The following ITGA7 variants were observed in gnomAD, a reference collection of about 807,000 sequenced individuals.
ITGA7 encodes integrin subunit alpha 7.
A neutral mutation model predicts 131.6 loss-of-function variants in ITGA7; 84 were observed. That is an observed-to-expected ratio of 0.64 (90% CI 0.54 to 0.77). ITGA7 has a LOEUF of 0.77. Among genes scored for constraint, ITGA7 ranks in the 30% least tolerant of loss-of-function variants. ITGA7 has a pLI of 0.00. For missense variants in ITGA7, 1,399 were observed against 1,482.9 expected (o/e 0.94, Z 0.93); for synonymous variants, 548 against 600.7 (o/e 0.91, Z 1.28).
intron 7 of ITGA7, 38 bp from the exon 8 acceptor site, chr12:55,698,064 G>C (rs540993993): frequency 9.9e-5 from 157 of 1,589,676 alleles, no homozygotes; most frequent in Admixed American, 2.3e-4. Flanking sequence ...CGCTGGCTGG[G>C]GGCCTTGCAG....
At chr12:55,709,992 T>C (rs1005032528), upstream of ITGA7, among the ~76,000 whole-genome samples, 2 of 152,190 alleles carry the variant, frequency 1.3e-5, no homozygotes, top group African/African-American at 2.4e-5. Context: ...TTTAGACATG[T>C]AGATTTCTCT....
rs2136020061 is a variant in ITGA7, at chr12:55,697,001, G to A, written c.1635C>T (p.Phe545=). The A allele has an allele frequency of 1.9e-6, 3 of 1,614,148 alleles. No homozygotes were observed. The highest frequency in any genetic ancestry group is 2.5e-6 in the Non-Finnish European group (3 of 1,180,036). The change falls in exon 12 of 25, where the codon TTC becomes TTT. Residue 545 remains phenylalanine (F), a synonymous_variant. Transcript: ENST00000257879. ...TGGGTTCTTCCAGGTTACGGCTCAG[G>A]AACGTCACACGGGGAACCTGGCCCC... ...RLRGQVPRVT[F]LSRNLEEPKH...
In ITGA7 at chr12:55,694,094, G is replaced by A; in HGVS notation, c.2462C>T (p.Ser821Phe). 6.2e-7 allele frequency: 1 copy of A among 1,614,196 alleles called. No individual in the cohort carries two copies. Among genetic ancestry groups the A allele is most frequent in the African/African-American group, 1.3e-5 (1 of 75,058 alleles). ...GMAIPQQLFF[S>F]GVVRGERAMQ... is the part of the protein sequence containing the mutation. ...GGCTCTCTCGCCCCTCACCACACCA[G>A]AGAAGAAGAGTTGCTGGGGAATGGC... Residue 821 changes from serine to phenylalanine, a missense_variant, in exon 19 of 25, where the codon TCT (serine) becomes TTT (phenylalanine). By Grantham distance (155) the Ser-to-Phe change is radical (BLOSUM62 -2). Coordinates refer to ENST00000257879, the MANE Select transcript of ITGA7 (RefSeq NM_002206.3). This position sits in a 1 kb window ranked among gnomAD's most constrained non-coding sequence, Gnocchi z 5.3.
rs61733964 is a variant in ITGA7 at position 55,697,708 on chromosome 12, C to T, written c.1396G>A (p.Ala466Thr). 52 of 1,614,128 alleles carry T rather than the reference C, an allele frequency of 3.2e-5. No homozygotes were observed. The African/African-American group carries it at 5.1e-4, about 16-fold the overall frequency. The change falls in exon 9 of 25, where the codon GCA becomes ACA. Residue 466 changes from alanine (A) to threonine (T), a missense_variant. By Grantham distance (58) the Ala-to-Thr change is moderately conservative (BLOSUM62 0). Coordinates refer to ENST00000257879, the MANE Select transcript of ITGA7 (RefSeq NM_002206.3). ...AGAGGGGCTCACCTGAAGAGCACTG[C>T]GGTGTCAGCCAGGGAGCCCACCAGC... is the stretch of plus-strand genomic sequence containing the variant. Reference protein sequence around the residue: ...DLLVGSLADTAVLFRARPILH... With the variant: ...DLLVGSLADTTVLFRARPILH...
upstream of ITGA7, among the ~76,000 whole-genome samples, chr12:55,711,806 G>GT (rs1876143144): frequency 6.6e-6 from 1 of 152,204 alleles, no homozygotes; most frequent in African/African-American, 2.4e-5. Flanking sequence ...TGTATGAGTG[G>GT]AAGCTGAGGC....
chr12:55,713,663 C>T (rs114799029), upstream of ITGA7, among the ~76,000 whole-genome samples: 955 of 152,288 alleles, frequency 6.3e-3, 10 homozygotes, highest in African/African-American at 0.022. Flanking sequence ...AAAGAAGATA[C>T]AGTACACATA....
chr12:55,701,453 T>G, intron 3 of ITGA7: 1 of 1,548,936 alleles, frequency 6.5e-7, no homozygotes, highest in Non-Finnish European at 8.7e-7. Flanking sequence ...AGCCACCACA[T>G]AGGATGTGTG....
chr12:55,693,146 G>A lies in ITGA7; in HGVS notation c.2707C>T (p.His903Tyr), dbSNP rs372692039. ...CACCCCCACCTAAGCCTCACCAGGT[G>A]GAGGATGTTGGGCCTGGGAGAGCAA... Reference protein sequence around the residue: ...GLCSPRPNILHLDVDSRDRRR... With the variant: ...GLCSPRPNILYLDVDSRDRRR... Residue 903 changes from histidine to tyrosine, a missense_variant, in exon 20 of 25, where the codon CAC becomes TAC. Transcript: ENST00000257879. 9 of 1,613,750 alleles carry A rather than the reference G, an allele frequency of 5.6e-6. No homozygotes were observed. The African/African-American group carries it at 8.0e-5, about 14-fold the overall frequency.
Position 55,698,711 on chromosome 12 carries a change from C to G in ITGA7, c.997G>C (p.Gly333Arg). Residue 333 changes from glycine to arginine, a missense_variant and splice_region_variant, in exon 6 of 25, where the codon GGC becomes CGC. Coordinates refer to ENST00000257879, the MANE Select transcript of ITGA7 (RefSeq NM_002206.3). ...TGGCACGGCCCTCTACCCACTCACC[C>G]ATCACTGTTGAGGTCAGCCACAGCC... ...SLAVADLNSDGWPDLIVGAPY... is the reference protein window; with the variant it reads ...SLAVADLNSDRWPDLIVGAPY... 1 of 1,614,014 alleles carries G rather than the reference C, an allele frequency of 6.2e-7. No homozygotes were observed. The highest frequency in any genetic ancestry group is 8.5e-7 in the Non-Finnish European group (1 of 1,179,912).
rs57885211 is a variant in ITGA7 at position 55,688,737 on chromosome 12, G to GT, written c.2958+106_2958+107insA. The GT allele has an allele frequency of 0.015, 12,051 of 797,924 alleles. 746 individuals carry two copies. The African/African-American group carries it at 0.16, about 11-fold the overall frequency. 49.4% of individuals were successfully genotyped at this position (797,924 alleles called of 1,614,324 possible). On this transcript the variant is annotated intron_variant, in intron 22 of 24. Coordinates refer to ENST00000257879, the MANE Select transcript of ITGA7 (RefSeq NM_002206.3). The stretch of plus-strand genomic sequence containing the variant: ...GACTCCGTCTCAAAAAAAAAAAAAA[G>GT]GGGGGGGATGCTGCATTTGGACAGT...
At chr12:55,716,248 A>C (rs1346309636), upstream of ITGA7, 2 of 1,560,696 alleles carry the variant, frequency 1.3e-6, no homozygotes, top group Admixed American at 3.9e-5. Context: ...GCCTAGCTTC[A>C]GCCCGGAGCC....
At chr12:55,695,462 T>A in intron 14 of ITGA7, 60 bp downstream of exon 14, 1 of 1,152,314 alleles carries the variant, frequency 8.7e-7, no homozygotes. Flanking sequence ...CTGAGAGGGC[T>A]TTCTCTCAAT....
chr12:55,716,003 G>A (rs966460231), upstream of ITGA7: 10 of 1,505,238 alleles, frequency 6.6e-6, no homozygotes, highest in African/African-American at 8.4e-5. Context: ...TTCACCCAAG[G>A]TCTCAAGAGG....
chr12:55,702,938 C>T lies in ITGA7; in HGVS notation c.348G>A (p.Lys116=), dbSNP rs1874373524. The T allele has an allele frequency of 6.2e-7, 1 of 1,613,248 alleles. No individual in the cohort carries two copies. Among genetic ancestry groups the T allele is most frequent in the Non-Finnish European group, 8.5e-7 (1 of 1,180,022 alleles). The change falls in exon 3 of 25, where the codon AAG becomes AAA. Residue 116 remains lysine, a synonymous_variant. Coordinates refer to ENST00000257879, the MANE Select transcript of ITGA7 (RefSeq NM_002206.3). ...VDIDQGADMQ[K]ESKENQWLGV... ...CCAACCACTGGTTCTCCTTGCTTTC[C>T]TTTTGCATATCAGCTAGAGGCAGGA...
chr12:55,697,553 T>A lies in ITGA7; in HGVS notation c.1410-7A>T. 2 of 1,613,116 alleles carry A rather than the reference T, an allele frequency of 1.2e-6. No homozygotes were observed. Among genetic ancestry groups the A allele is most frequent in the Non-Finnish European group, 1.7e-6 (2 of 1,179,346 alleles). ...ATGGAGGATGGGTCTGGCCCTGGGA[T>A]TGGGGAGTCAAGAGCACAAGAAACA... is the stretch of plus-strand genomic sequence containing the variant. On this transcript the variant is annotated splice_polypyrimidine_tract_variant and splice_region_variant and intron_variant, in intron 9 of 24. Transcript: ENST00000257879.
chr12:55,712,526 A>G (rs1004880918), upstream of ITGA7: 3 of 539,570 alleles, frequency 5.6e-6, no homozygotes, highest in Non-Finnish European at 9.9e-6. Flanking sequence ...ACCTCAAAAG[A>G]AGAGGGAAAT....
At position 55,707,796 on chromosome 12, in the gene ITGA7, G is replaced by A. The variant is rs1283263458; in HGVS notation, c.-114C>T. 1 of 1,515,644 alleles carries A rather than the reference G, an allele frequency of 6.6e-7. No individual in the cohort carries two copies. The highest frequency in any genetic ancestry group is 8.8e-7 in the Non-Finnish European group (1 of 1,132,464). The allele number at this position is 1,515,644 out of a possible 1,614,324, so 93.9% of individuals were successfully genotyped here. On this transcript the variant is annotated 5_prime_UTR_variant, in exon 1 of 25. It adds an upstream start codon to the 5' untranslated region. Transcript: ENST00000257879. ...CCAAAGTCTCGTTGGTCTTTCAGAC[G>A]TCTCCCAGACGTTCGCCCCGCCAGC...
rs1401444365 is a variant in ITGA7, at chr12:55,697,280, G to T, written c.1506-3C>A. 5.0e-6 allele frequency: 8 copies of T among 1,592,206 alleles called. No individual in the cohort carries two copies. Among genetic ancestry groups the T allele is most frequent in the Non-Finnish European group, 6.8e-6 (8 of 1,169,438 alleles). On this transcript the variant is annotated splice_region_variant and splice_polypyrimidine_tract_variant and intron_variant, in intron 10 of 24. Coordinates refer to ENST00000257879, the MANE Select transcript of ITGA7 (RefSeq NM_002206.3). ...TGAAACAGACCCTTAGGTCCACACT[G>T]CGGGGGCAAAGGTGGCTCCTGAGCC...
chr12:55,702,271 T>A (rs964285926), intron 3 of ITGA7, among the ~76,000 whole-genome samples: 4 of 151,492 alleles, frequency 2.6e-5, no homozygotes, highest in Non-Finnish European at 5.9e-5. Context: ...GCTCCGCCTC[T>A]CCGGTTCACG....
Sources: allele counts gnomAD v4.1 joint callset (sites outside exome capture counted in the v4.1 genomes callset), GRCh38; gene constraint gnomAD v4.1.1; non-coding constraint Gnocchi (gnomAD v3.1); transcripts MANE v1.5; gene names NCBI Gene and HGNC (gene_info 2026-07-23, HGNC 2026-07-21).